The following CLIP4 variants were observed in gnomAD, a reference collection of about 807,000 sequenced individuals.
CLIP4 encodes CAP-Gly domain containing linker protein family member 4.
Under a neutral mutation model 73.1 loss-of-function variants are expected in CLIP4, and 47 were observed. The observed-to-expected ratio is 0.64, with a 90% CI of 0.51 to 0.82. CLIP4 has a LOEUF of 0.82. Among genes scored for constraint, CLIP4 ranks in the 40% least tolerant of loss-of-function variants. CLIP4 has a pLI of 0.00. For missense variants in CLIP4, 874 were observed against 852.9 expected, an observed-to-expected ratio of 1.02 and a Z score of -0.31; for synonymous variants, 306 against 295.4, an observed-to-expected ratio of 1.04 and a Z score of -0.37.
chr2:29,145,901 C>G (rs146353607), intron 8 of CLIP4, among the ~76,000 whole-genome samples: 14 of 152,286 alleles, frequency 9.2e-5, no homozygotes, highest in African/African-American at 3.1e-4. Context: ...AGACTGGTCT[C>G]GACCTCCTGA....
At chr2:29,139,927 C>G (rs1187113777) in intron 6 of CLIP4, among the ~76,000 whole-genome samples, 1 of 151,970 alleles carries the variant, frequency 6.6e-6, no homozygotes, top group Admixed American at 6.6e-5. Context: ...AAAGAACCAT[C>G]TTTTCATTTT....
chr2:29,172,336 T>C (rs1214548829), intron 14 of CLIP4, among the ~76,000 whole-genome samples: 1 of 152,184 alleles, frequency 6.6e-6, no homozygotes, highest in East Asian at 1.9e-4. Context: ...AAATTTCTTT[T>C]AGAAAGGGTC....
chr2:29,152,379 C>T (rs1001629210), intron 8 of CLIP4, among the ~76,000 whole-genome samples: 5 of 122,066 alleles, frequency 4.1e-5, no homozygotes, highest in South Asian at 2.4e-4. Context: ...TAAAAGTTAC[C>T]GTAAAGGTTA....
At chr2:29,165,077 C>T (rs531934925) in intron 13 of CLIP4, among the ~76,000 whole-genome samples, 8 of 152,190 alleles carry the variant, frequency 5.3e-5, no homozygotes, top group African/African-American at 1.9e-4. Context: ...CCAGACCCTG[C>T]GAGCTGTAAG....
At chr2:29,120,771 T>C (rs960554299) in intron 1 of CLIP4, among the ~76,000 whole-genome samples, 22 of 152,148 alleles carry the variant, frequency 1.4e-4, no homozygotes, top group African/African-American at 5.3e-4. Context: ...AGAGGTAATA[T>C]AAGCCATGTG....
chr2:29,156,826 A>G (rs1211586344), intron 10 of CLIP4, among the ~76,000 whole-genome samples: 1 of 151,350 alleles, frequency 6.6e-6, no homozygotes, highest in African/African-American at 2.4e-5. Flanking sequence ...TTAATATTAA[A>G]CTTTTGTTGC....
chr2:29,165,836 C>T (rs936421703), intron 13 of CLIP4, among the ~76,000 whole-genome samples: 3 of 152,118 alleles, frequency 2.0e-5, no homozygotes, highest in Non-Finnish European at 4.4e-5. Flanking sequence ...TCCTCCTTTA[C>T]GTTGTCAAGC....
intron 15 of CLIP4, among the ~76,000 whole-genome samples, chr2:29,179,110 A>G (rs1668509539): frequency 6.6e-6 from 1 of 152,072 alleles, no homozygotes; most frequent in Admixed American, 6.6e-5. Context: ...TTTTCAGTTT[A>G]TGCATTAAAG....
chr2:29,180,856 GT>G (rs1329878320), intron 15 of CLIP4, among the ~76,000 whole-genome samples: 2 of 150,640 alleles, frequency 1.3e-5, no homozygotes, highest in African/African-American at 5.0e-5. Flanking sequence ...GTGTGTGTGT[GT>G]GTGTACACAT....
intron 1 of CLIP4, among the ~76,000 whole-genome samples, chr2:29,110,177 T>A (rs1668348728): frequency 6.6e-6 from 1 of 152,218 alleles, no homozygotes; most frequent in African/African-American, 2.4e-5. Flanking sequence ...GTGATTCTAA[T>A]GCACAACCAG....
chr2:29,151,554 A>G (rs1036770331), intron 8 of CLIP4, among the ~76,000 whole-genome samples: 2 of 152,194 alleles, frequency 1.3e-5, no homozygotes, highest in Non-Finnish European at 2.9e-5. Flanking sequence ...AAATCAGGAT[A>G]AAGTAGTATG....
chr2:29,180,757 C>T (rs1432001824), intron 15 of CLIP4, among the ~76,000 whole-genome samples: 2 of 150,790 alleles, frequency 1.3e-5, no homozygotes, highest in African/African-American at 2.4e-5. Context: ...ATTCTTTTTG[C>T]GTTATTTGAT....
intron 1 of CLIP4, among the ~76,000 whole-genome samples, chr2:29,100,393 C>A (rs541010568): frequency 6.6e-6 from 1 of 151,772 alleles, no homozygotes; most frequent in East Asian, 1.9e-4. Flanking sequence ...TATAGAAAAT[C>A]GAGCCGACAG....
chr2:29,162,100 T>C (rs1325564793), intron 12 of CLIP4, among the ~76,000 whole-genome samples: 1 of 152,204 alleles, frequency 6.6e-6, no homozygotes, highest in Non-Finnish European at 1.5e-5. Flanking sequence ...TTTTTTACAA[T>C]TACTATTTGT....
intron 1 of CLIP4, among the ~76,000 whole-genome samples, chr2:29,116,913 T>C (rs964148567): frequency 5.3e-5 from 8 of 152,242 alleles, no homozygotes; most frequent in South Asian, 2.1e-4. Flanking sequence ...TTGTCTCTCA[T>C]AGCTTATGAC....
In CLIP4 at chr2:29,156,854, T is replaced by C. The variant is rs561350737; in HGVS notation, c.1256-350T>C. Among the ~76,000 whole-genome samples, 9 of 79,260 alleles carry C rather than the reference T, an allele frequency of 1.1e-4. No homozygotes were observed. In the East Asian group the frequency reaches 4.1e-3, roughly 36 times the overall value. The allele number at this position is 79,260 out of a possible 152,430, so 52.0% of individuals were successfully genotyped here. A position where few individuals can be genotyped will look rare whatever the true frequency, so the allele number is the denominator to read the frequency against. On this transcript the variant is annotated intron_variant, in intron 10 of 15. Coordinates refer to ENST00000320081, the MANE Select transcript of CLIP4 (RefSeq NM_024692.6). ...TTTGTTGCCTTAAAACATATTAATATCATGTTTAATTTTTGTATAAAAGGG... is the reference window on the plus strand; with the variant it reads ...TTTGTTGCCTTAAAACATATTAATACCATGTTTAATTTTTGTATAAAAGGG...
At chr2:29,112,741 C>G (rs1668414235), upstream of CLIP4, among the ~76,000 whole-genome samples, 1 of 152,260 alleles carries the variant, frequency 6.6e-6, no homozygotes, top group Non-Finnish European at 1.5e-5. Context: ...TTAAGCACTT[C>G]TGCTAGTTGA....
chr2:29,141,734 C>T (rs1446528196), intron 6 of CLIP4, among the ~76,000 whole-genome samples: 1 of 152,096 alleles, frequency 6.6e-6, no homozygotes, highest in Non-Finnish European at 1.5e-5. Flanking sequence ...TTGAAGACAG[C>T]AGAAGGACAA....
chr2:29,165,969 C>T, intron 13 of CLIP4, among the ~76,000 whole-genome samples: 1 of 95,616 alleles, frequency 1.0e-5, no homozygotes, highest in East Asian at 4.2e-4. Flanking sequence ...GCAGCCCCCT[C>T]TTCTTCAAAA....
Sources: allele counts gnomAD v4.1 joint callset (sites outside exome capture counted in the v4.1 genomes callset), GRCh38; gene constraint gnomAD v4.1.1; transcripts MANE v1.5; gene names NCBI Gene and HGNC (gene_info 2026-07-23, HGNC 2026-07-21).